Variants in EPDR1 observed in about 807,000 individuals in gnomAD.
The protein encoded by EPDR1 is ependymin related 1, also known as mammalian ependymin-related protein 1.
EPDR1 carries 27 observed loss-of-function variants against 23.7 expected under a neutral mutation model. That is an observed-to-expected ratio of 1.14 (90% CI 0.84 to 1.57). EPDR1 has a LOEUF of 1.57. Among genes scored for constraint, EPDR1 ranks in the 40% most tolerant of loss-of-function variants. The pLI is 0.00. For missense variants in EPDR1, 349 were observed against 290.4 expected (o/e 1.20, Z -1.47); for synonymous variants, 137 against 118.2 (o/e 1.16, Z -1.03).
chr7:37,947,967 T>C (rs142324404), intron 1 of EPDR1, among the ~76,000 whole-genome samples: 5 of 152,336 alleles, frequency 3.3e-5, no homozygotes, highest in African/African-American at 1.2e-4. Flanking sequence ...TCAGCTTTTG[T>C]CTTTGCTCTC....
chr7:37,946,033 T>C (rs1203863467), intron 1 of EPDR1, among the ~76,000 whole-genome samples: 1 of 152,252 alleles, frequency 6.6e-6, no homozygotes, highest in Non-Finnish European at 1.5e-5. Flanking sequence ...ACTCCATCCA[T>C]GTCCCTGCAA....
chr7:37,948,904 C>T lies in EPDR1; in HGVS notation c.334C>T (p.Gln112Ter), dbSNP rs367672491. 4 of 1,614,028 alleles carry T rather than the reference C, an allele frequency of 2.5e-6. No homozygotes were observed. The African/African-American group carries it at 5.3e-5, about 22-fold the overall frequency. Reference sequence around the variant, plus strand: ...GTTTCAGATTGACCAAGCCACCAAGCAGTGCTCAAAGATGACCCTGACACA... The same window carrying T: ...GTTTCAGATTGACCAAGCCACCAAGTAGTGCTCAAAGATGACCCTGACACA... ...VMFQIDQATKQCSKMTLTQPW... is the reference protein window; with the variant it reads ...VMFQIDQATK The change falls in exon 2 of 3, where the codon CAG (glutamine) becomes TAG (stop). Residue 112 changes from glutamine (Q) to a stop codon, truncating the protein, a stop_gained. Coordinates refer to ENST00000199448, the MANE Select transcript of EPDR1 (RefSeq NM_017549.5). LOFTEE classifies it high-confidence loss of function.
In EPDR1 at chr7:37,920,717, C is replaced by T. The variant is rs770868541; in HGVS notation, c.-223C>T. 6 of 1,607,350 alleles carry T rather than the reference C, an allele frequency of 3.7e-6. No homozygotes were observed. The African/African-American group carries it at 5.4e-5, about 14-fold the overall frequency. On this transcript the variant is annotated 5_prime_UTR_variant, in exon 1 of 3. Coordinates refer to ENST00000199448, the MANE Select transcript of EPDR1 (RefSeq NM_017549.5). ...GTGGCCCAGGCAGAAATAGCTCCCG[C>T]GCGATTCACTGGAGCCTTCCCCGGG...
At chr7:37,927,404 C>G (rs1224464599) in intron 1 of EPDR1, among the ~76,000 whole-genome samples, 1 of 152,018 alleles carries the variant, frequency 6.6e-6, no homozygotes, top group Non-Finnish European at 1.5e-5. Flanking sequence ...TTTTGCTACT[C>G]CCTTCTCAGC....
At chr7:37,930,280 C>T (rs1785908398) in intron 1 of EPDR1, among the ~76,000 whole-genome samples, 2 of 152,208 alleles carry the variant, frequency 1.3e-5, no homozygotes, top group South Asian at 4.1e-4. Context: ...CAGAGCATCT[C>T]AGAAGCCACC....
chr7:37,948,353 T>TC (rs1454453083), intron 1 of EPDR1, among the ~76,000 whole-genome samples: 2 of 151,790 alleles, frequency 1.3e-5, no homozygotes, highest in Non-Finnish European at 2.9e-5. Context: ...TTTTTTTTTT[T>TC]TTTTTTTGAT....
chr7:37,950,913 C>T lies in EPDR1; in HGVS notation c.*517C>T, dbSNP rs1415754692. 1 of 152,382 alleles carries T rather than the reference C, an allele frequency of 6.6e-6. No individual in the cohort carries two copies. Among genetic ancestry groups the T allele is most frequent in the Admixed American group, 6.5e-5 (1 of 15,292 alleles). The allele number at this position is 152,382 out of a possible 1,614,324, so 9.4% of individuals were successfully genotyped here. On this transcript the variant is annotated 3_prime_UTR_variant, in exon 3 of 3. Coordinates refer to ENST00000199448, the MANE Select transcript of EPDR1 (RefSeq NM_017549.5). ...AGCCCTACTCCACCCTGTCCCTGCACTCCCTTGGTTGCCAAAAAAATGATA... is the reference window on the plus strand; with the variant it reads ...AGCCCTACTCCACCCTGTCCCTGCATTCCCTTGGTTGCCAAAAAAATGATA...
chr7:37,932,785 G>A (rs1337007469), intron 1 of EPDR1, among the ~76,000 whole-genome samples: 1 of 152,148 alleles, frequency 6.6e-6, no homozygotes, highest in Non-Finnish European at 1.5e-5. Context: ...ACAAAACTCA[G>A]CCTGCACTAC....
At chr7:37,948,284 T>A (rs924709554) in intron 1 of EPDR1, among the ~76,000 whole-genome samples, 3 of 152,084 alleles carry the variant, frequency 2.0e-5, no homozygotes, top group African/African-American at 7.2e-5. Context: ...GCACAGGGTC[T>A]GGCATATACT....
rs529403163 is a variant in EPDR1, at chr7:37,931,622, T to C, written c.269+10414T>C. Reference sequence around the variant, plus strand: ...CCCATGTTTTTGTAGGTTGTTTCTATTATCCTTGAATTTTATTAACATCTC... The same window carrying C: ...CCCATGTTTTTGTAGGTTGTTTCTACTATCCTTGAATTTTATTAACATCTC... On this transcript the variant is annotated intron_variant, in intron 1 of 2. Coordinates refer to ENST00000199448, the MANE Select transcript of EPDR1 (RefSeq NM_017549.5). Among the ~76,000 whole-genome samples the C allele has an allele frequency of 2.6e-5, 4 of 152,338 alleles. No individual in the cohort carries two copies. The East Asian group carries it at 7.7e-4, about 29-fold the overall frequency.
At chr7:37,922,496 T>C (rs1310736388) in intron 1 of EPDR1, among the ~76,000 whole-genome samples, 1 of 152,218 alleles carries the variant, frequency 6.6e-6, no homozygotes, top group Non-Finnish European at 1.5e-5. Flanking sequence ...ATACTTATTA[T>C]ATATGAGGCA....
chr7:37,935,993 CAT>C (rs752536687), intron 1 of EPDR1, among the ~76,000 whole-genome samples: 1,972 of 45,400 alleles, frequency 0.043, 138 homozygotes, highest in Non-Finnish European at 0.05. Flanking sequence ...CAAATCATGG[CAT>C]ATATATATAT....
intron 1 of EPDR1, among the ~76,000 whole-genome samples, chr7:37,935,597 C>T (rs1408832028): frequency 1.3e-5 from 2 of 152,132 alleles, no homozygotes; most frequent in East Asian, 3.9e-4. Context: ...AATGAGGAAG[C>T]TTGATTCTTT....
At chr7:37,940,196 GAA>G (rs1182109553) in intron 1 of EPDR1, among the ~76,000 whole-genome samples, 2 of 152,110 alleles carry the variant, frequency 1.3e-5, no homozygotes, top group Non-Finnish European at 2.9e-5. Flanking sequence ...AAGAAGAAGA[GAA>G]AATAATAATT....
rs1380194073 is a variant in EPDR1, at chr7:37,949,622, C to T, written c.478+574C>T. Reference sequence around the variant, plus strand: ...CTCCACTTCTGTATATATATATATGCCCCAAAGAATTGAACGCAGAGACTC... The same window carrying T: ...CTCCACTTCTGTATATATATATATGTCCCAAAGAATTGAACGCAGAGACTC... On this transcript the variant is annotated intron_variant, in intron 2 of 2. Transcript: ENST00000199448. 2.6e-5 allele frequency among the ~76,000 whole-genome samples: 4 copies of T among 152,026 alleles called. 1 individual carries two copies. The highest frequency in any genetic ancestry group is 5.9e-5 in the Non-Finnish European group (4 of 67,992).
intron 1 of EPDR1, among the ~76,000 whole-genome samples, chr7:37,937,252 A>C (rs1428665565): frequency 6.6e-6 from 1 of 152,228 alleles, no homozygotes; most frequent in Non-Finnish European, 1.5e-5. Context: ...CTGCAAACCA[A>C]ACTAAAGATC....
In EPDR1 at chr7:37,920,876, T is replaced by C. The variant is rs759814866; in HGVS notation, c.-64T>C. The C allele has an allele frequency of 1.2e-6, 2 of 1,611,386 alleles. No individual in the cohort carries two copies. Reference sequence around the variant, plus strand: ...AAAGAGCCGGCGGGAGCCACTCTGATCCCGGACGCCTCAGCGCCCCCTTGG... The same window carrying C: ...AAAGAGCCGGCGGGAGCCACTCTGACCCCGGACGCCTCAGCGCCCCCTTGG... On this transcript the variant is annotated 5_prime_UTR_variant, in exon 1 of 3. Coordinates refer to ENST00000199448, the MANE Select transcript of EPDR1 (RefSeq NM_017549.5).
chr7:37,948,184 G>C (rs1264144208), intron 1 of EPDR1, among the ~76,000 whole-genome samples: 1 of 152,004 alleles, frequency 6.6e-6, no homozygotes, highest in Non-Finnish European at 1.5e-5. Context: ...CCACACAAGA[G>C]TCAAGTCCTC....
At chr7:37,922,107 G>A (rs1354077848) in intron 1 of EPDR1, among the ~76,000 whole-genome samples, 1 of 152,098 alleles carries the variant, frequency 6.6e-6, no homozygotes, top group East Asian at 1.9e-4. Flanking sequence ...TTCCCCCTAA[G>A]TGTGTTCCTC....
Sources: allele counts gnomAD v4.1 joint callset (sites outside exome capture counted in the v4.1 genomes callset), GRCh38; gene constraint gnomAD v4.1.1; transcripts MANE v1.5; gene names NCBI Gene and HGNC (gene_info 2026-07-23, HGNC 2026-07-21).